Variants in STXBP2 observed in about 807,000 individuals in gnomAD.
STXBP2 encodes the protein syntaxin binding protein 2, also known as syntaxin-binding protein 2.
STXBP2 carries 47 observed loss-of-function variants against 72.2 expected under a neutral mutation model. The ratio of observed to expected loss-of-function variants is 0.65; its 90% confidence interval spans 0.51 to 0.83. STXBP2 has a LOEUF of 0.83. STXBP2 is among the 40% of genes least tolerant of loss of function. STXBP2 has a pLI of 0.00. For missense variants in STXBP2, 702 were observed against 807.6 expected (o/e 0.87, Z 1.58); for synonymous variants, 367 against 338.7 (o/e 1.08, Z -0.92).
upstream of STXBP2, chr19:7,632,768 C>T: frequency 6.4e-7 from 1 of 1,568,212 alleles, no homozygotes; most frequent in East Asian, 2.4e-5. This position sits in a 1 kb window ranked among gnomAD's most constrained non-coding sequence, Gnocchi z 5.2. Context: ...GCTGTCCCTC[C>T]ATCCGGTCGC....
At position 7,647,862 on chromosome 19, in the gene STXBP2, G is replaced by T. The variant is rs758638420; in HGVS notation, c.*52G>T. On this transcript the variant is annotated 3_prime_UTR_variant, in exon 19 of 19. Coordinates refer to ENST00000221283, the MANE Select transcript of STXBP2 (RefSeq NM_006949.4). ...CTTTCCAGAGAAATAAACTCTTCCC[G>T]TCGCTCTGCCAGCCAGTGCCTACCT... 67 of 1,424,934 alleles carry T rather than the reference G, an allele frequency of 4.7e-5. No homozygotes were observed. The highest frequency in any genetic ancestry group is 6.2e-5 in the Non-Finnish European group (65 of 1,042,836). 88.3% of individuals were successfully genotyped at this position (1,424,934 alleles called of 1,614,324 possible).
intron 16 of STXBP2, 122 bp from the exon 17 acceptor site, chr19:7,647,040 G>A: frequency 1.0e-6 from 1 of 982,186 alleles, no homozygotes; most frequent in Middle Eastern, 3.1e-4. Flanking sequence ...CCCAGAGGCA[G>A]GAGGTGGAGA....
chr19:7,630,549 C>T, the STXBP2 span: 1 of 1,522,534 alleles, frequency 6.6e-7, no homozygotes, highest in Non-Finnish European at 8.8e-7. Flanking sequence ...GGGAGCTCAC[C>T]TCACCCACCC....
chr19:7,638,604 TAA>T (rs144737616), intron 1 of STXBP2, 120 bp from the exon 2 acceptor site: 17,331 of 894,794 alleles, frequency 0.019, no homozygotes, highest in Non-Finnish European at 0.021. Flanking sequence ...CCTCCTCTCT[TAA>T]AAAAAAAAAA....
chr19:7,639,421 A>G (rs1369540562), intron 3 of STXBP2: 5 of 575,140 alleles, frequency 8.7e-6, no homozygotes, highest in Non-Finnish European at 1.6e-5. Context: ...CCAAGAATGC[A>G]GAGCCTTCTA....
Position 7,646,272 on chromosome 19 carries a change from G to A in STXBP2, c.1380G>A (p.Leu460=), listed in dbSNP as rs1272473470. The A allele has an allele frequency of 6.2e-7, 1 of 1,609,740 alleles. No individual in the cohort carries two copies. Among genetic ancestry groups the A allele is most frequent in the South Asian group, 1.1e-5 (1 of 90,128 alleles). Reference sequence around the variant, plus strand: ...AGGGCTCGGGGACCTCCAGCCGGCTGGAGCCGAGAGAACGCATGGAGCCCA... The same window carrying A: ...AGGGCTCGGGGACCTCCAGCCGGCTAGAGCCGAGAGAACGCATGGAGCCCA... ...NPGGSGTSSR[L]EPRERMEPTY... The change falls in exon 16 of 19, where the codon CTG becomes CTA. Residue 460 remains leucine, a synonymous_variant. Transcript: ENST00000221283.
At chr19:7,637,695 G>T (rs753048394) in intron 1 of STXBP2, among the ~76,000 whole-genome samples, 2 of 152,146 alleles carry the variant, frequency 1.3e-5, no homozygotes, top group Admixed American at 6.5e-5. Context: ...GGACGCAGGC[G>T]TCCAGGCCTC....
chr19:7,632,127 CT>C (rs2031339512), upstream of STXBP2: 1 of 586,814 alleles, frequency 1.7e-6, no homozygotes, highest in Admixed American at 3.2e-5. The surrounding 1 kb of genome is among the most constrained non-coding windows in gnomAD (Gnocchi z 5.2). Flanking sequence ...GGAAGGGGTC[CT>C]ATTTTCTCCC....
the STXBP2 span, chr19:7,630,333 T>C: frequency 5.3e-6 from 3 of 565,852 alleles, no homozygotes; most frequent in African/African-American, 5.6e-5. Flanking sequence ...TGTGTGTCTG[T>C]CTGTGTTTGA....
intron 13 of STXBP2, 82 bp from the exon 14 acceptor site, chr19:7,644,532 C>G: frequency 6.3e-7 from 1 of 1,583,934 alleles, no homozygotes; most frequent in African/African-American, 1.3e-5. Context: ...TGCCGAGGAT[C>G]CTGGGGATGT....
At chr19:7,633,727 A>C (rs548873430), upstream of STXBP2, 2 of 513,270 alleles carry the variant, frequency 3.9e-6, no homozygotes, top group Middle Eastern at 1.0e-3. Flanking sequence ...ACTGGACCCC[A>C]GGGACTCTCA....
chr19:7,639,966 G>C lies in STXBP2; in HGVS notation c.246+159G>C, dbSNP rs574980722. ...TGTGTGTGCATGTGTGTGTGCATCT[G>C]TGTATGCATGTGTGTGCGTGTTTGC... On this transcript the variant is annotated intron_variant, in intron 4 of 18. Coordinates refer to ENST00000221283, the MANE Select transcript of STXBP2 (RefSeq NM_006949.4). The C allele has an allele frequency of 8.5e-4, 679 of 803,442 alleles. 2 individuals are homozygous for C. The African/African-American group carries it at 0.01, about 12-fold the overall frequency. 49.8% of individuals were successfully genotyped at this position (803,442 alleles called of 1,614,324 possible). A position where few individuals can be genotyped will look rare whatever the true frequency, so the allele number is the denominator to read the frequency against.
chr19:7,643,017 A>G lies in STXBP2; in HGVS notation c.995A>G (p.Lys332Arg). ...NIKDLSQILK[K>R]MPQYQKELNK... is the part of the protein sequence containing the mutation. ...AAAGACCTATCCCAGATCCTGAAAAAGATGCCGCAGTACCAGAAGGAGCTG... is the reference window on the plus strand; with the variant it reads ...AAAGACCTATCCCAGATCCTGAAAAGGATGCCGCAGTACCAGAAGGAGCTG... Residue 332 changes from lysine to arginine, a missense_variant, in exon 12 of 19, where the codon AAG becomes AGG. Transcript: ENST00000221283. 6.2e-7 allele frequency: 1 copy of G among 1,614,124 alleles called. No individual in the cohort carries two copies.
chr19:7,647,305 G>T, intron 17 of STXBP2, 49 bp from the exon 18 acceptor site: 1 of 1,611,846 alleles, frequency 6.2e-7, no homozygotes. Flanking sequence ...GGGCGGCCTG[G>T]CGGCGGTGAG....
At chr19:7,641,612 G>A (rs547249533) in intron 6 of STXBP2, 93 bp from the exon 7 acceptor site, 30 of 1,513,990 alleles carry the variant, frequency 2.0e-5, no homozygotes, top group Non-Finnish European at 2.0e-5. Context: ...GACCAGGGAC[G>A]GCTCCCAGGA....
the STXBP2 span, chr19:7,631,409 T>TGGGGGGGGGGGGGGGGGG: frequency 1.4e-5 from 9 of 639,596 alleles, no homozygotes; most frequent in South Asian, 3.1e-5. Flanking sequence ...CGGGGGGGGG[T>TGGGGGGGGGGGGGGGGGG]GGTCCCGGCT....
Position 7,637,205 on chromosome 19 carries a change from C to T in STXBP2, c.37+19C>T, listed in dbSNP as rs1401372137. Reference sequence around the variant, plus strand: ...GGGGAAAGTGAGTGCCTCTCCGGGGCCGGGCTCTGGCGTCCGGTGTGGGAC... The same window carrying T: ...GGGGAAAGTGAGTGCCTCTCCGGGGTCGGGCTCTGGCGTCCGGTGTGGGAC... On this transcript the variant is annotated intron_variant, in intron 1 of 18. Transcript: ENST00000221283. 2 of 1,242,400 alleles carry T rather than the reference C, an allele frequency of 1.6e-6. No homozygotes were observed. The highest frequency in any genetic ancestry group is 2.0e-6 in the Non-Finnish European group (2 of 988,200). 77.0% of individuals were successfully genotyped at this position (1,242,400 alleles called of 1,614,324 possible). A position where few individuals can be genotyped will look rare whatever the true frequency, so the allele number is the denominator to read the frequency against.
intron 4 of STXBP2, 90 bp downstream of exon 4, chr19:7,639,897 T>C (rs758571698): frequency 8.1e-6 from 11 of 1,360,498 alleles, no homozygotes; most frequent in Admixed American, 1.9e-5. Context: ...ATTGCATGTG[T>C]GCATGTGTAT....
rs576033137 is a variant in STXBP2, at chr19:7,639,937, T to C, written c.246+130T>C. On this transcript the variant is annotated intron_variant, in intron 4 of 18. Transcript: ENST00000221283. ...GTGCATGTGTCCATGTGTATGTGTGTGCATGTGTGTGCATGTGTGTGTGCA... is the reference window on the plus strand; with the variant it reads ...GTGCATGTGTCCATGTGTATGTGTGCGCATGTGTGTGCATGTGTGTGTGCA... 128 of 429,414 alleles carry C rather than the reference T, an allele frequency of 3.0e-4. No homozygotes were observed. In the East Asian group the frequency reaches 3.9e-3, roughly 13 times the overall value. The allele number at this position is 429,414 out of a possible 1,614,324, so 26.6% of individuals were successfully genotyped here.
Sources: allele counts gnomAD v4.1 joint callset (sites outside exome capture counted in the v4.1 genomes callset), GRCh38; gene constraint gnomAD v4.1.1; non-coding constraint Gnocchi (gnomAD v3.1); transcripts MANE v1.5; gene names NCBI Gene and HGNC (gene_info 2026-07-23, HGNC 2026-07-21).